DAB1: variants seen among roughly 807,000 people sequenced by gnomAD.
DAB1 encodes the protein disabled homolog 1.
In DAB1, 15 loss-of-function variants were observed where a neutral mutation model predicts 64.6. The observed-to-expected ratio is 0.23, with a 90% CI of 0.16 to 0.36. The LOEUF is 0.36. Ranked by LOEUF, DAB1 falls within the 10% of genes least tolerant of loss-of-function variation. DAB1 has a pLI of 1.00. For missense variants in DAB1, 596 were observed against 706.7 expected (o/e 0.84, Z 1.78); for synonymous variants, 235 against 251.9 (o/e 0.93, Z 0.64).
chr1:58,032,861 C>G (rs1449934204), intron 5 of DAB1, among the ~76,000 whole-genome samples: 1 of 152,196 alleles, frequency 6.6e-6, no homozygotes, highest in African/African-American at 2.4e-5. Context: ...ACAAAAGACT[C>G]AGGGAGCCTC....
intron 4 of DAB1, among the ~76,000 whole-genome samples, chr1:58,330,152 G>A (rs1334573033): frequency 3.3e-5 from 5 of 152,198 alleles, no homozygotes; most frequent in Non-Finnish European, 2.9e-5. Context: ...GTGCATACAT[G>A]AATGATGAAA....
intron 5 of DAB1, among the ~76,000 whole-genome samples, chr1:58,072,500 T>G (rs1318239900): frequency 1.3e-5 from 2 of 152,222 alleles, no homozygotes; most frequent in African/African-American, 4.8e-5. Flanking sequence ...TTTCCTCATA[T>G]GCAAGATGGG....
chr1:57,193,094 G>T (rs950597841), intron 2 of DAB1, among the ~76,000 whole-genome samples: 1 of 151,950 alleles, frequency 6.6e-6, no homozygotes, highest in African/African-American at 2.4e-5. Context: ...TCTACTCTTG[G>T]CAATTTCCAA....
intron 7 of DAB1, among the ~76,000 whole-genome samples, chr1:57,647,015 C>T (rs1646199692): frequency 6.6e-6 from 1 of 152,146 alleles, no homozygotes; most frequent in Non-Finnish European, 1.5e-5. Context: ...CCTCATTGAG[C>T]TCCTTGTGGG....
intron 7 of DAB1, among the ~76,000 whole-genome samples, chr1:57,484,826 T>A (rs1396510904): frequency 6.6e-6 from 1 of 152,090 alleles, no homozygotes; most frequent in Non-Finnish European, 1.5e-5. Flanking sequence ...AGAAAGAGAA[T>A]ATTGGTTCTA....
intron 5 of DAB1, among the ~76,000 whole-genome samples, chr1:58,090,843 A>G (rs1650610952): frequency 6.6e-6 from 1 of 152,192 alleles, no homozygotes; most frequent in African/African-American, 2.4e-5. Flanking sequence ...AATTTGGTAC[A>G]TGTCAAGGAA....
intron 1 of DAB1, among the ~76,000 whole-genome samples, chr1:57,839,087 T>C (rs1557509719): frequency 2.6e-5 from 4 of 152,300 alleles, no homozygotes; most frequent in African/African-American, 9.6e-5. Flanking sequence ...AGCCAAATTC[T>C]TTCTCTTAAG....
chr1:58,055,445 C>T (rs995555602), intron 5 of DAB1, among the ~76,000 whole-genome samples: 4 of 152,120 alleles, frequency 2.6e-5, no homozygotes, highest in African/African-American at 7.2e-5. Context: ...CCCCACCCCT[C>T]GTACTCCCTC....
intron 3 of DAB1, among the ~76,000 whole-genome samples, chr1:58,396,485 G>C (rs781444586): frequency 6.6e-6 from 1 of 151,958 alleles, no homozygotes; most frequent in Non-Finnish European, 1.5e-5. Flanking sequence ...AGGAGAGAAA[G>C]AAAACACAGA....
chr1:57,256,409 G>T (rs569465079), intron 2 of DAB1, among the ~76,000 whole-genome samples: 2 of 152,162 alleles, frequency 1.3e-5, no homozygotes, highest in Non-Finnish European at 2.9e-5. Flanking sequence ...AAGGACAAAG[G>T]TTTGGGGTCC....
At chr1:57,657,176 AATC>A (rs1389507887) in intron 6 of DAB1, among the ~76,000 whole-genome samples, 3 of 152,204 alleles carry the variant, frequency 2.0e-5, no homozygotes, top group Non-Finnish European at 4.4e-5. Context: ...ACCACTTAAT[AATC>A]ATCAACACAT....
intron 7 of DAB1, among the ~76,000 whole-genome samples, chr1:57,575,777 C>A (rs1164916404): frequency 6.6e-6 from 1 of 152,146 alleles, no homozygotes; most frequent in Non-Finnish European, 1.5e-5. Context: ...TTTAGCAAGT[C>A]ATTATTGAGT....
chr1:57,976,422 C>A (rs1296483041), intron 5 of DAB1, among the ~76,000 whole-genome samples: 1 of 152,164 alleles, frequency 6.6e-6, no homozygotes, highest in African/African-American at 2.4e-5. Flanking sequence ...TGCTCGACTG[C>A]CATCTGCTTT....
intron 3 of DAB1, among the ~76,000 whole-genome samples, chr1:58,405,120 C>G (rs1481578137): frequency 6.6e-6 from 1 of 152,188 alleles, no homozygotes; most frequent in Non-Finnish European, 1.5e-5. Context: ...CCACCATCTT[C>G]GATTCCTCAG....
intron 5 of DAB1, among the ~76,000 whole-genome samples, chr1:57,974,264 C>T (rs926718748): frequency 2.6e-5 from 4 of 152,126 alleles, no homozygotes; most frequent in African/African-American, 9.7e-5. Flanking sequence ...CATTTCATTA[C>T]CCCATTTTAT....
chr1:58,540,076 A>G (rs933548547), intron 1 of DAB1, among the ~76,000 whole-genome samples: 2 of 152,206 alleles, frequency 1.3e-5, no homozygotes, highest in Non-Finnish European at 2.9e-5. Context: ...TACAGGGCTC[A>G]CACAGGGCAT....
At chr1:57,582,441 G>C (rs1027552837) in intron 7 of DAB1, among the ~76,000 whole-genome samples, 3 of 152,158 alleles carry the variant, frequency 2.0e-5, no homozygotes, top group African/African-American at 7.2e-5. Flanking sequence ...CCCTTGACAC[G>C]TGGGGATTAC....
At position 58,092,277 on chromosome 1, in the gene DAB1, G is replaced by A. The variant is rs115546631; in HGVS notation, n.387+58234C>T. On this transcript the variant is annotated intron_variant and non_coding_transcript_variant, in intron 5 of 20. Coordinates refer to the DAB1 transcript ENST00000485760. ...TTGAACCCAGCAGGGGCATTGCAGC[G>A]AGTCAAGATCGCACCACTGTACTCC... Among the ~76,000 whole-genome samples the A allele has an allele frequency of 6.1e-3, 928 of 151,114 alleles. 15 individuals carry two copies. The highest frequency in any genetic ancestry group is 0.022 in the African/African-American group (883 of 41,032).
intron 7 of DAB1, among the ~76,000 whole-genome samples, chr1:57,548,638 T>C (rs1433119106): frequency 2.0e-5 from 3 of 152,218 alleles, no homozygotes; most frequent in African/African-American, 2.4e-5. Context: ...CTGAAAAGAA[T>C]AGCACACAAT....
Sources: gnomAD v4.1 joint callset for allele counts (sites outside exome capture counted in the v4.1 genomes callset) on GRCh38, gnomAD v4.1.1 for gene constraint, MANE v1.5 for transcripts, NCBI Gene and HGNC (gene_info 2026-07-23, HGNC 2026-07-21) for gene names.